Variants in CCDC192 observed in about 807,000 individuals in gnomAD.
The protein encoded by CCDC192 is coiled-coil domain containing 192, also known as coiled-coil domain-containing protein 192.
intron 5 of CCDC192, among the ~76,000 whole-genome samples, chr5:127,831,964 T>C (rs1749815060): frequency 6.6e-6 from 1 of 151,288 alleles, no homozygotes; most frequent in Non-Finnish European, 1.5e-5. Flanking sequence ...AAGATAAAAA[T>C]AGCATAGTAA....
chr5:127,782,682 G>A (rs1379114998), intron 3 of CCDC192, among the ~76,000 whole-genome samples: 1 of 151,826 alleles, frequency 6.6e-6, no homozygotes, highest in Non-Finnish European at 1.5e-5. Context: ...ATTTCTTATT[G>A]AGGTTTTTTG....
At chr5:127,728,392 C>T (rs529375899) in intron 2 of CCDC192, among the ~76,000 whole-genome samples, 1 of 152,316 alleles carries the variant, frequency 6.6e-6, no homozygotes, top group African/African-American at 2.4e-5. Flanking sequence ...GGACAATATT[C>T]AACATTCTAA....
At chr5:127,732,296 C>T (rs1251882635) in intron 2 of CCDC192, among the ~76,000 whole-genome samples, 1 of 152,148 alleles carries the variant, frequency 6.6e-6, no homozygotes, top group East Asian at 1.9e-4. Context: ...CAATGAAATA[C>T]CATCTCACAC....
intron 2 of CCDC192, among the ~76,000 whole-genome samples, chr5:127,721,819 C>T (rs1369253261): frequency 1.3e-5 from 2 of 152,152 alleles, no homozygotes; most frequent in Admixed American, 6.5e-5. Context: ...GGAGGCATGT[C>T]TTGCATGGCT....
At chr5:127,875,390 C>G (rs1429838934) in intron 5 of CCDC192, 148 bp from the exon 6 acceptor site, 2 of 380,660 alleles carry the variant, frequency 5.3e-6, no homozygotes, top group African/African-American at 4.2e-5. Flanking sequence ...TTTCACAAAC[C>G]TCAAACAGGA....
chr5:127,796,660 T>C (rs1377405717), intron 3 of CCDC192, among the ~76,000 whole-genome samples: 1 of 152,208 alleles, frequency 6.6e-6, no homozygotes, highest in Non-Finnish European at 1.5e-5. Context: ...GATGCTTCTA[T>C]GGCGAACATT....
intron 6 of CCDC192, among the ~76,000 whole-genome samples, chr5:127,938,116 ACTTCGACCC>A (rs922022769): frequency 6.6e-6 from 1 of 151,826 alleles, no homozygotes; most frequent in Non-Finnish European, 1.5e-5. Flanking sequence ...GATGAAACTC[ACTTCGACCC>A]ACCTGAATCA....
rs979852847 is a variant in CCDC192, at chr5:127,931,947, C to T, written c.536-9235C>T. 4.6e-5 allele frequency among the ~76,000 whole-genome samples: 7 copies of T among 151,872 alleles called. No homozygotes were observed. In the South Asian group the frequency reaches 8.3e-4, roughly 18 times the overall value. On this transcript the variant is annotated intron_variant, in intron 6 of 6. Coordinates refer to ENST00000514853, the MANE Select transcript of CCDC192 (RefSeq NM_001317938.2). The stretch of plus-strand genomic sequence containing the variant: ...CAGGTGGATCACGAGGTCAGGAGAT[C>T]GAGACCATCCTGGCCAACATGGCGA...
At chr5:127,924,970 T>C (rs1433841063) in intron 6 of CCDC192, among the ~76,000 whole-genome samples, 1 of 152,192 alleles carries the variant, frequency 6.6e-6, no homozygotes, top group Non-Finnish European at 1.5e-5. Flanking sequence ...TTTTTTGACA[T>C]CTCTAAAAAT....
intron 2 of CCDC192, among the ~76,000 whole-genome samples, chr5:127,716,945 C>G (rs572840802): frequency 6.6e-6 from 1 of 152,278 alleles, no homozygotes; most frequent in East Asian, 1.9e-4. Context: ...ACTCTGTTTC[C>G]TGGAACCCTA....
At chr5:127,802,766 G>A (rs1377976900) in intron 5 of CCDC192, among the ~76,000 whole-genome samples, 1 of 152,132 alleles carries the variant, frequency 6.6e-6, no homozygotes, top group Non-Finnish European at 1.5e-5. Context: ...TGTCTGGCTC[G>A]ATGTCTTGTA....
chr5:127,820,659 A>T lies in CCDC192; in HGVS notation c.411+22497A>T, dbSNP rs561752348. On this transcript the variant is annotated intron_variant, in intron 5 of 6. Coordinates refer to ENST00000514853, the MANE Select transcript of CCDC192 (RefSeq NM_001317938.2). ...TCCTACTTTCTCACTCCCTATGTTA[A>T]CGATACATACTTTCTACACTCTATA... is the stretch of plus-strand genomic sequence containing the variant. Among the ~76,000 whole-genome samples the T allele has an allele frequency of 1.5e-4, 23 of 152,310 alleles. No individual in the cohort carries two copies. In the South Asian group the frequency reaches 4.4e-3, roughly 29 times the overall value.
chr5:127,892,053 A>G (rs902075389), intron 6 of CCDC192, among the ~76,000 whole-genome samples: 3 of 152,168 alleles, frequency 2.0e-5, no homozygotes, highest in Non-Finnish European at 4.4e-5. Flanking sequence ...TTGGGTTTTT[A>G]TCAGAGTACT....
intron 6 of CCDC192, among the ~76,000 whole-genome samples, chr5:127,936,534 T>C (rs1754190483): frequency 3.3e-5 from 5 of 152,226 alleles, no homozygotes. Flanking sequence ...TTGCGAGAAC[T>C]GTACACCATC....
intron 6 of CCDC192, among the ~76,000 whole-genome samples, chr5:127,924,652 A>G (rs1753817382): frequency 6.6e-6 from 1 of 152,196 alleles, no homozygotes; most frequent in African/African-American, 2.4e-5. Flanking sequence ...TTACATATTT[A>G]CCTGACAGTA....
chr5:127,894,857 C>G (rs981711519), intron 6 of CCDC192, among the ~76,000 whole-genome samples: 1 of 152,194 alleles, frequency 6.6e-6, no homozygotes, highest in Non-Finnish European at 1.5e-5. Context: ...AAAGTATTTG[C>G]CCATGCTATA....
rs2127091988 is a variant in CCDC192 at position 127,854,826 on chromosome 5, T to C, written c.412-20712T>C. On this transcript the variant is annotated intron_variant, in intron 5 of 6. Coordinates refer to ENST00000514853, the MANE Select transcript of CCDC192 (RefSeq NM_001317938.2). Reference sequence around the variant, plus strand: ...ACTTTTACACTATTCTATCATTTATTAAGTGTACAAAAGCTTTATGGCTTT... The same window carrying C: ...ACTTTTACACTATTCTATCATTTATCAAGTGTACAAAAGCTTTATGGCTTT... Among the ~76,000 whole-genome samples the C allele has an allele frequency of 1.3e-5, 2 of 152,370 alleles. 1 individual carries two copies. The highest frequency in any genetic ancestry group is 6.8e-3 in the Middle Eastern group (2 of 294).
Position 127,798,162 on chromosome 5 carries a change from GGTAA to G in CCDC192, c.411+3_411+6del, listed in dbSNP as rs1757281849. The G allele has an allele frequency of 7.5e-6, 3 of 398,252 alleles. No homozygotes were observed. In the Admixed American group the frequency reaches 1.3e-4, roughly 18 times the overall value. The allele number at this position is 398,252 out of a possible 1,614,324, so 24.7% of individuals were successfully genotyped here. On this transcript the variant is annotated splice_donor_variant and splice_donor_region_variant and intron_variant, in intron 5 of 6. Coordinates refer to ENST00000514853, the MANE Select transcript of CCDC192 (RefSeq NM_001317938.2). LOFTEE classifies it high-confidence loss of function. The stretch of plus-strand genomic sequence containing the variant: ...CTTCCCAGGAGCAACTTATAGCCCA[GGTAA>G]GTGTTTTCCTCCTTTTTTCATCCCT...
intron 6 of CCDC192, among the ~76,000 whole-genome samples, chr5:127,905,713 A>G (rs1301929183): frequency 6.6e-6 from 1 of 152,254 alleles, no homozygotes; most frequent in Non-Finnish European, 1.5e-5. Context: ...TGGAATGCAA[A>G]AAAAAAGTAA....
Sources: allele counts gnomAD v4.1 joint callset (sites outside exome capture counted in the v4.1 genomes callset), GRCh38; gene constraint gnomAD v4.1.1; transcripts MANE v1.5; gene names NCBI Gene and HGNC (gene_info 2026-07-23, HGNC 2026-07-21).